DISC1: variants seen among roughly 807,000 people sequenced by gnomAD.
DISC1 encodes disrupted in schizophrenia 1 protein.
A neutral mutation model predicts 84.5 loss-of-function variants in DISC1; 57 were observed. That is an observed-to-expected ratio of 0.67 (90% confidence interval 0.55 to 0.84). The LOEUF is 0.84. Ranked by LOEUF, DISC1 falls within the 40% of genes least tolerant of loss-of-function variation. DISC1 has a pLI of 0.00. For synonymous variants in DISC1, 411 were observed against 415.2 expected, an observed-to-expected ratio of 0.99 and a Z score of 0.12; for missense variants, 1,000 against 1,057.8, an observed-to-expected ratio of 0.95 and a Z score of 0.76.
At chr1:231,845,861 A>G (rs1420042048) in intron 9 of DISC1, among the ~76,000 whole-genome samples, 1 of 152,088 alleles carries the variant, frequency 6.6e-6, no homozygotes, top group Non-Finnish European at 1.5e-5. Context: ...TTGGGTGCAG[A>G]TGAAGCCAAG....
At chr1:231,794,003 C>T (rs114498007) in intron 6 of DISC1, among the ~76,000 whole-genome samples, 485 of 152,230 alleles carry the variant, frequency 3.2e-3, no homozygotes, top group African/African-American at 0.011. Flanking sequence ...ACGCTGCTCG[C>T]GAACTCCTGA....
At chr1:231,830,942 A>C (rs948427253) in intron 9 of DISC1, among the ~76,000 whole-genome samples, 2,675 of 148,284 alleles carry the variant, frequency 0.018, no homozygotes, top group African/African-American at 0.067. Context: ...AGCCTGAAAA[A>C]CTGCTTGGCT....
rs552184196 is a variant in DISC1, at chr1:231,653,486, G to A, written c.67+26552G>A. 7.1e-4 allele frequency among the ~76,000 whole-genome samples: 108 copies of A among 152,312 alleles called. 1 individual carries two copies. The highest frequency in any genetic ancestry group is 2.5e-3 in the African/African-American group (102 of 41,574). ...TTTTAATGGATCAGAACTGGAAGTG[G>A]CAGATACTGCTTCTGCCCCCATTCC... On this transcript the variant is annotated intron_variant, in intron 1 of 12. Transcript: ENST00000439617.
chr1:231,687,413 C>A (rs1168862388), intron 1 of DISC1, among the ~76,000 whole-genome samples: 1 of 152,078 alleles, frequency 6.6e-6, no homozygotes, highest in East Asian at 1.9e-4. Context: ...AAAGCAGAAG[C>A]CCTTGATAAA....
At chr1:231,903,360 A>C (rs2088348813) in intron 9 of DISC1, among the ~76,000 whole-genome samples, 1 of 152,186 alleles carries the variant, frequency 6.6e-6, no homozygotes, top group Non-Finnish European at 1.5e-5. Flanking sequence ...ACGTACTAGG[A>C]GTTAGGACTT....
chr1:231,643,685 T>A (rs1186427155), intron 1 of DISC1, among the ~76,000 whole-genome samples: 1 of 152,238 alleles, frequency 6.6e-6, no homozygotes, highest in East Asian at 1.9e-4. Context: ...AATAAGCTAT[T>A]TAATTCTCTT....
chr1:231,687,131 C>A (rs2064382578), intron 1 of DISC1, among the ~76,000 whole-genome samples: 1 of 152,140 alleles, frequency 6.6e-6, no homozygotes, highest in African/African-American at 2.4e-5. Flanking sequence ...TTCTTCTGAG[C>A]CCTCCAGACT....
intron 4 of DISC1, 85 bp from the exon 5 acceptor site, chr1:231,767,055 T>G: frequency 6.4e-7 from 1 of 1,574,448 alleles, no homozygotes; most frequent in African/African-American, 1.4e-5. Flanking sequence ...GGCCACTTGC[T>G]GGAGTTTCTT....
At chr1:231,961,957 C>T (rs970567094) in intron 10 of DISC1, among the ~76,000 whole-genome samples, 6 of 152,188 alleles carry the variant, frequency 3.9e-5, no homozygotes, top group Non-Finnish European at 8.8e-5. Context: ...AATCTGCCAA[C>T]TGCTTCTACA....
chr1:231,996,083 G>C (rs1453626007), intron 10 of DISC1, among the ~76,000 whole-genome samples: 2 of 152,180 alleles, frequency 1.3e-5, no homozygotes, highest in Non-Finnish European at 2.9e-5. Flanking sequence ...GCATTTCTCT[G>C]ATGGCCAGTG....
At chr1:231,818,262 A>T in intron 8 of DISC1, 67 bp from the exon 9 acceptor site, 1 of 1,490,596 alleles carries the variant, frequency 6.7e-7, no homozygotes, top group Non-Finnish European at 9.4e-7. Flanking sequence ...AGCTGCTGCT[A>T]GATCTTCCAT....
Position 232,009,619 on chromosome 1 carries a change from T to A in DISC1, c.2307+570T>A, listed in dbSNP as rs1667851742. On this transcript the variant is annotated intron_variant, in intron 11 of 12. Transcript: ENST00000439617. The surrounding 1 kb of genome is among the most constrained non-coding windows in gnomAD (Gnocchi z 4.6). ...AACACAACTAAAGTTTGGCCTGAGATATATGTATTACAAATTAAAATATGG... is the reference window on the plus strand; with the variant it reads ...AACACAACTAAAGTTTGGCCTGAGAAATATGTATTACAAATTAAAATATGG... 12 of 883,782 alleles carry A rather than the reference T, an allele frequency of 1.4e-5. No individual in the cohort carries two copies. The highest frequency in any genetic ancestry group is 1.6e-5 in the Non-Finnish European group (12 of 737,514). 54.7% of individuals were successfully genotyped at this position (883,782 alleles called of 1,614,324 possible).
chr1:231,760,074 C>T (rs1441818572), intron 4 of DISC1, among the ~76,000 whole-genome samples: 9 of 152,196 alleles, frequency 5.9e-5, no homozygotes, highest in South Asian at 2.1e-4. Context: ...CCTCTCTTGC[C>T]GGGTGGTCAT....
At chr1:231,940,502 TCTC>T (rs1226342096) in intron 9 of DISC1, among the ~76,000 whole-genome samples, 1 of 152,198 alleles carries the variant, frequency 6.6e-6, no homozygotes, top group African/African-American at 2.4e-5. Context: ...AATGTCGTAT[TCTC>T]CTCACTTACA....
At chr1:231,833,012 G>C (rs1431961936) in intron 9 of DISC1, among the ~76,000 whole-genome samples, 2 of 126,766 alleles carry the variant, frequency 1.6e-5, no homozygotes, top group Non-Finnish European at 1.7e-5. Flanking sequence ...GTGCATGATC[G>C]GTCACCAAGG....
intron 5 of DISC1, among the ~76,000 whole-genome samples, chr1:231,769,144 T>A (rs2076373035): frequency 6.6e-6 from 1 of 152,188 alleles, no homozygotes; most frequent in African/African-American, 2.4e-5. Flanking sequence ...TCTGACCACA[T>A]TGTAAATAAT....
intron 10 of DISC1, among the ~76,000 whole-genome samples, chr1:231,964,773 C>G (rs1409960280): frequency 2.7e-4 from 41 of 152,222 alleles, no homozygotes; most frequent in Admixed American, 2.7e-3. Context: ...ACACCTGACA[C>G]AGTGGTGCAT....
At chr1:231,796,532 T>C (rs1449584668) in intron 7 of DISC1, among the ~76,000 whole-genome samples, 2 of 152,066 alleles carry the variant, frequency 1.3e-5, no homozygotes, top group Non-Finnish European at 2.9e-5. Context: ...CAAAAATGTC[T>C]GGAGTTACTC....
intron 3 of DISC1, among the ~76,000 whole-genome samples, chr1:231,721,930 G>T (rs996272904): frequency 1.3e-5 from 2 of 152,136 alleles, no homozygotes. Flanking sequence ...GAGGCGGGCA[G>T]ATCATGAGGT....
Sources: gnomAD v4.1 joint callset for allele counts (sites outside exome capture counted in the v4.1 genomes callset) on GRCh38, gnomAD v4.1.1 for gene constraint, Gnocchi (gnomAD v3.1) non-coding constraint, MANE v1.5 for transcripts, NCBI Gene and HGNC (gene_info 2026-07-23, HGNC 2026-07-21) for gene names.